The following SPRED2 variants were observed in gnomAD, a reference collection of about 807,000 sequenced individuals.
SPRED2 encodes sprouty related EVH1 domain containing 2.
Under a neutral mutation model 43.0 loss-of-function variants are expected in SPRED2, and 47 were observed. That is an observed-to-expected ratio of 1.09 (90% CI 0.87 to 1.40). The LOEUF is 1.40. Among genes scored for constraint, SPRED2 ranks in the 40% most tolerant of loss-of-function variants. SPRED2 has a pLI of 0.00. For missense variants in SPRED2, 561 were observed against 586.4 expected (o/e 0.96, Z 0.45); for synonymous variants, 225 against 225.7 (o/e 1.00, Z 0.03).
chr2:65,373,499 C>CA (rs978764849), intron 1 of SPRED2, among the ~76,000 whole-genome samples: 4 of 152,136 alleles, frequency 2.6e-5, no homozygotes, highest in Non-Finnish European at 5.9e-5. Context: ...TACAAACAAA[C>CA]ATTAGTCAAC....
intron 1 of SPRED2, among the ~76,000 whole-genome samples, chr2:65,370,239 T>C (rs1675091310): frequency 6.6e-6 from 1 of 152,246 alleles, no homozygotes; most frequent in Non-Finnish European, 1.5e-5. Context: ...TACAGAATTG[T>C]TTTGAATGGT....
chr2:65,368,743 A>G (rs1675046167), intron 1 of SPRED2, among the ~76,000 whole-genome samples: 1 of 152,238 alleles, frequency 6.6e-6, no homozygotes, highest in Admixed American at 6.5e-5. Context: ...AAACATTCAC[A>G]AACACACAGG....
chr2:65,387,797 C>CTTTTTTTT (rs1173876935), intron 1 of SPRED2, among the ~76,000 whole-genome samples: 1 of 142,720 alleles, frequency 7.0e-6, no homozygotes, highest in African/African-American at 2.6e-5. Context: ...AAATTCTTTT[C>CTTTTTTTT]TTTTTCTTTT....
intron 1 of SPRED2, chr2:65,366,547 G>C (rs1424731877): frequency 1.3e-6 from 2 of 1,538,382 alleles, no homozygotes; most frequent in African/African-American, 1.4e-5. Context: ...AAGAATAAGA[G>C]AACAATGAAA....
Position 65,334,599 on chromosome 2 carries a change from C to A in SPRED2, c.373+6G>T. 2 of 1,613,894 alleles carry A rather than the reference C, an allele frequency of 1.2e-6. No homozygotes were observed. Among genetic ancestry groups the A allele is most frequent in the South Asian group, 1.1e-5 (1 of 91,042 alleles). On this transcript the variant is annotated splice_donor_region_variant and intron_variant, in intron 3 of 5. Coordinates refer to ENST00000356388, the MANE Select transcript of SPRED2 (RefSeq NM_181784.3). ...CCCACTAAGAATGCAGCGACAAGTT[C>A]AATACCTTCTATAAGGTCTTCGATT...
intron 1 of SPRED2, among the ~76,000 whole-genome samples, chr2:65,381,989 T>C (rs554025479): frequency 4.5e-4 from 68 of 152,308 alleles, no homozygotes; most frequent in Non-Finnish European, 8.4e-4. Flanking sequence ...CACATCCACC[T>C]TGTGTTTTCC....
At chr2:65,420,408 T>A (rs1300260362) in intron 1 of SPRED2, among the ~76,000 whole-genome samples, 3 of 152,208 alleles carry the variant, frequency 2.0e-5, no homozygotes, top group Admixed American at 1.3e-4. Flanking sequence ...CTCTAGTTTA[T>A]TCTTGACTTT....
Position 65,401,973 on chromosome 2 carries a change from A to C in SPRED2, c.26+29989T>G, listed in dbSNP as rs62141068. 9.6e-3 allele frequency among the ~76,000 whole-genome samples: 1,431 copies of C among 148,440 alleles called. 16 individuals are homozygous for C. The highest frequency in any genetic ancestry group is 0.013 in the Non-Finnish European group (881 of 67,256). ...CACACACACACACACACACACACAC[A>C]CCTGTTAATTTGTCTTAGGTAATTC... On this transcript the variant is annotated intron_variant, in intron 1 of 5. Transcript: ENST00000356388.
At chr2:65,344,114 G>C (rs2104263024) in intron 2 of SPRED2, 1 of 148,360 alleles carries the variant, frequency 6.7e-6, no homozygotes, top group South Asian at 1.9e-4. Flanking sequence ...TCCAGCCTAG[G>C]TGACAGAGCG....
chr2:65,404,276 G>A (rs1339919053), intron 1 of SPRED2, among the ~76,000 whole-genome samples: 3 of 151,870 alleles, frequency 2.0e-5, no homozygotes, highest in Non-Finnish European at 1.5e-5. Flanking sequence ...ATTGTTTTAA[G>A]AATTATGTGT....
intron 4 of SPRED2, among the ~76,000 whole-genome samples, chr2:65,329,460 G>A (rs562890087): frequency 6.6e-6 from 1 of 152,336 alleles, no homozygotes; most frequent in African/African-American, 2.4e-5. Flanking sequence ...AGACACCAGG[G>A]TCTATACAGA....
At chr2:65,354,805 T>C (rs1473730092) in intron 1 of SPRED2, among the ~76,000 whole-genome samples, 6 of 152,196 alleles carry the variant, frequency 3.9e-5, no homozygotes, top group African/African-American at 1.2e-4. Flanking sequence ...GTTTTAAACA[T>C]GGGCAACGAA....
At chr2:65,340,641 A>G (rs1674148586) in intron 2 of SPRED2, among the ~76,000 whole-genome samples, 1 of 152,222 alleles carries the variant, frequency 6.6e-6, no homozygotes, top group African/African-American at 2.4e-5. Context: ...GCTTACCAAA[A>G]AATTACCTGA....
intron 1 of SPRED2, among the ~76,000 whole-genome samples, chr2:65,367,101 T>C (rs564220839): frequency 6.6e-6 from 1 of 152,312 alleles, no homozygotes; most frequent in African/African-American, 2.4e-5. Context: ...TTTAAAGTTA[T>C]CAGCTGAATT....
Position 65,313,624 on chromosome 2 carries a change from C to A in SPRED2, c.1134G>T (p.Trp378Cys). 6.2e-7 allele frequency: 1 copy of A among 1,614,194 alleles called. No individual in the cohort carries two copies. Residue 378 changes from tryptophan (W) to cysteine (C), a missense_variant, in exon 6 of 6, where the codon TGG becomes TGT. Transcript: ENST00000356388. The stretch of plus-strand genomic sequence containing the variant: ...GGAAAGACAAGGCAATAAGAGCCAT[C>A]CACCGGAGGCAAAACTTCTCGTCGC... Reference protein sequence around the residue: ...DTSDEKFCLRWMALIALSFLA... With the variant: ...DTSDEKFCLRCMALIALSFLA...
chr2:65,381,338 A>C lies in SPRED2; in HGVS notation c.27-36442T>G, dbSNP rs937193307. On this transcript the variant is annotated intron_variant, in intron 1 of 5. Coordinates refer to ENST00000356388, the MANE Select transcript of SPRED2 (RefSeq NM_181784.3). ...GTAACATACATGGGCTGGTCTAGGC[A>C]GTGCAGAATGACACCTTAACAGTTA... Among the ~76,000 whole-genome samples the C allele has an allele frequency of 1.4e-4, 21 of 152,224 alleles. 2 individuals are homozygous for C. The highest frequency in any genetic ancestry group is 1.3e-3 in the Admixed American group (20 of 15,288).
chr2:65,422,418 C>A (rs1676451619), intron 1 of SPRED2, among the ~76,000 whole-genome samples: 1 of 152,178 alleles, frequency 6.6e-6, no homozygotes, highest in Admixed American at 6.5e-5. Context: ...TGTCTAGCAT[C>A]CTAGAATGTA....
At chr2:65,345,001 A>G in intron 1 of SPRED2, 105 bp from the exon 2 acceptor site, 2 of 1,120,392 alleles carry the variant, frequency 1.8e-6, no homozygotes, top group South Asian at 3.8e-5. Context: ...TTTTTGTTTT[A>G]TCGAAAGAAA....
intron 1 of SPRED2, among the ~76,000 whole-genome samples, chr2:65,373,214 T>C (rs1194498681): frequency 6.6e-6 from 1 of 152,234 alleles, no homozygotes; most frequent in Non-Finnish European, 1.5e-5. Context: ...ACTTAACTTC[T>C]TTGTGCTTCA....
Sources: allele counts gnomAD v4.1 joint callset (sites outside exome capture counted in the v4.1 genomes callset), GRCh38; gene constraint gnomAD v4.1.1; transcripts MANE v1.5; gene names NCBI Gene and HGNC (gene_info 2026-07-23, HGNC 2026-07-21).